Variants in PKP2 observed in about 807,000 individuals in gnomAD.
The protein encoded by PKP2 is plakophilin 2.
PKP2 carries 73 observed loss-of-function variants against 83.4 expected under a neutral mutation model. The observed-to-expected ratio is 0.88, with a 90% CI of 0.72 to 1.06. The LOEUF (loss-of-function observed/expected upper bound fraction) is 1.06. PKP2 is among the 50% of genes least tolerant of loss of function. The pLI is 0.00. For synonymous variants in PKP2, 409 were observed against 430.4 expected (o/e 0.95, Z 0.62); for missense variants, 966 against 1,065.4 (o/e 0.91, Z 1.30).
At chr12:32,852,869 G>A (rs1160238101) in intron 4 of PKP2, among the ~76,000 whole-genome samples, 1 of 152,128 alleles carries the variant, frequency 6.6e-6, no homozygotes, top group Non-Finnish European at 1.5e-5. Flanking sequence ...GGATCATGAG[G>A]TCAGGAGTTC....
At chr12:32,793,353 T>C (rs147594188) in intron 11 of PKP2, among the ~76,000 whole-genome samples, 1,957 of 152,258 alleles carry the variant, frequency 0.013, 21 homozygotes, top group Non-Finnish European at 0.023. Context: ...TTATAGAATA[T>C]AATCTATATT....
intron 9 of PKP2, among the ~76,000 whole-genome samples, chr12:32,814,462 T>C (rs1466746307): frequency 6.6e-6 from 1 of 152,182 alleles, no homozygotes; most frequent in African/African-American, 2.4e-5. Flanking sequence ...GAACATAGTT[T>C]CCCGTTCTCC....
intron 6 of PKP2, among the ~76,000 whole-genome samples, chr12:32,824,617 C>T (rs547558929): frequency 6.6e-6 from 1 of 152,292 alleles, no homozygotes; most frequent in South Asian, 2.1e-4. Context: ...TGTTGGACTA[C>T]ATTCTTTGTG....
chr12:32,846,745 C>CAAAAAAAAAAAAAAAAAAA lies in PKP2; in HGVS notation c.1378+4020_1378+4021insTTTTTTTTTTTTTTTTTTT, dbSNP rs574053559. ...GGGTAACAAGAATGAAACTTCTTCT[C>CAAAAAAAAAAAAAAAAAAA]AAAAAAAAAAAAAAAAAAGAAGAGA... On this transcript the variant is annotated intron_variant, in intron 5 of 12. Coordinates refer to ENST00000340811, the MANE Select transcript of PKP2 (RefSeq NM_001005242.3). 2.1e-3 allele frequency among the ~76,000 whole-genome samples: 154 copies of CAAAAAAAAAAAAAAAAAAA among 74,800 alleles called. 1 individual carries two copies. Among genetic ancestry groups the CAAAAAAAAAAAAAAAAAAA allele is most frequent in the African/African-American group, 3.5e-3 (62 of 17,704 alleles). 49.1% of individuals were successfully genotyped at this position (74,800 alleles called of 152,430 possible). A position where few individuals can be genotyped will look rare whatever the true frequency, so the allele number is the denominator to read the frequency against.
chr12:32,801,836 A>G (rs1956181933), intron 10 of PKP2, among the ~76,000 whole-genome samples: 1 of 142,872 alleles, frequency 7.0e-6, no homozygotes. Context: ...ATACAGTCAA[A>G]GGCAAAATAT....
intron 6 of PKP2, among the ~76,000 whole-genome samples, chr12:32,833,398 C>T (rs553070348): frequency 6.6e-6 from 1 of 152,248 alleles, no homozygotes; most frequent in Non-Finnish European, 1.5e-5. Context: ...CTGGAGAAGA[C>T]AGTTGTAACT....
chr12:32,798,473 T>G (rs1956151609), intron 10 of PKP2, among the ~76,000 whole-genome samples: 2 of 149,422 alleles, frequency 1.3e-5, no homozygotes, highest in South Asian at 4.2e-4. Flanking sequence ...GTTTTGAGTT[T>G]GGCTTTTTTT....
At chr12:32,810,705 G>A (rs796509123) in intron 9 of PKP2, among the ~76,000 whole-genome samples, 2 of 4,454 alleles carry the variant, frequency 4.5e-4, no homozygotes, top group African/African-American at 6.6e-4. Context: ...TTTTTGAGAC[G>A]GAGTCTCGCT....
rs535581825 is a variant in PKP2, at chr12:32,841,045, G to A, written c.1539C>T (p.Asn513=). The change falls in exon 6 of 13, where the codon AAC becomes AAT. Residue 513 remains asparagine (N), a synonymous_variant. Transcript: ENST00000340811. ...AGCATTACCTTAGGCATCCAGTGAC[G>A]TTGTAGAATATGTCAAAATCGAGCA... ...NGLLDFDIFY[N]VTGCLRNMSS... is the part of the protein sequence containing the mutation. 399 of 1,613,282 alleles carry A rather than the reference G, an allele frequency of 2.5e-4. 2 individuals are homozygous for A. The South Asian group carries it at 3.7e-3, about 15-fold the overall frequency.
chr12:32,831,855 C>T (rs1453975093), intron 6 of PKP2, among the ~76,000 whole-genome samples: 1 of 152,132 alleles, frequency 6.6e-6, no homozygotes, highest in Non-Finnish European at 1.5e-5. Flanking sequence ...GCTTCAGCAT[C>T]TCAGTGAGAC....
chr12:32,798,261 TA>T (rs200142596), intron 10 of PKP2, among the ~76,000 whole-genome samples: 9,929 of 145,922 alleles, frequency 0.068, 1,058 homozygotes, highest in East Asian at 0.54. Flanking sequence ...ATTTTTTGTA[TA>T]TTTTTTTTTT....
intron 9 of PKP2, chr12:32,820,203 T>C (rs573408134): frequency 6.6e-6 from 1 of 152,350 alleles, no homozygotes; most frequent in Non-Finnish European, 1.5e-5. Flanking sequence ...ACACACATAT[T>C]AAAGAATAAA....
chr12:32,801,932 A>G (rs1443643832), intron 10 of PKP2, among the ~76,000 whole-genome samples: 2 of 152,148 alleles, frequency 1.3e-5, no homozygotes, highest in Non-Finnish European at 2.9e-5. Flanking sequence ...TTATCTGTTT[A>G]TCCATTTTTT....
intron 4 of PKP2, among the ~76,000 whole-genome samples, chr12:32,866,809 C>A (rs1049828286): frequency 1.3e-5 from 2 of 152,122 alleles, no homozygotes; most frequent in Non-Finnish European, 2.9e-5. Context: ...CAGGCATTTA[C>A]TCCTAGGTAT....
intron 5 of PKP2, among the ~76,000 whole-genome samples, chr12:32,850,552 C>T (rs1279154718): frequency 6.8e-6 from 1 of 146,358 alleles, no homozygotes; most frequent in African/African-American, 2.5e-5. Flanking sequence ...GGTGATAGAG[C>T]AAGATTCTGT....
intron 4 of PKP2, among the ~76,000 whole-genome samples, chr12:32,858,666 A>AGCAGGAGAAC (rs1956775683): frequency 6.6e-6 from 1 of 152,238 alleles, no homozygotes; most frequent in African/African-American, 2.4e-5. Flanking sequence ...AACAAAGTTA[A>AGCAGGAGAAC]AAACAACAAC....
At chr12:32,884,532 A>G (rs1246422461) in intron 1 of PKP2, among the ~76,000 whole-genome samples, 1 of 152,146 alleles carries the variant, frequency 6.6e-6, no homozygotes, top group Non-Finnish European at 1.5e-5. Context: ...CATAAAACTT[A>G]TATTAAACAA....
At position 32,822,490 on chromosome 12, in the gene PKP2, T is replaced by C. The variant is rs761487035; in HGVS notation, c.1816A>G (p.Ser606Gly). Reference protein sequence around the residue: ...DNNKSIGCFGSRSRKVKEQYQ... With the variant: ...DNNKSIGCFGGRSRKVKEQYQ... ...ACCTCTTTTACTTTCCTGCTTCGAC[T>C]GCCAAAACATCCAATACTTTTGTTG... The change falls in exon 8 of 13, where the codon AGT (serine) becomes GGT (glycine). Residue 606 changes from serine (S) to glycine (G), a missense_variant. Ser to Gly is a moderately conservative substitution (Grantham distance 56). Coordinates refer to ENST00000340811, the MANE Select transcript of PKP2 (RefSeq NM_001005242.3). The C allele has an allele frequency of 6.2e-7, 1 of 1,614,158 alleles. No homozygotes were observed. Among genetic ancestry groups the C allele is most frequent in the Non-Finnish European group, 8.5e-7 (1 of 1,180,032 alleles).
intron 4 of PKP2, among the ~76,000 whole-genome samples, chr12:32,853,060 G>C (rs557053231): frequency 6.6e-6 from 1 of 152,108 alleles, no homozygotes; most frequent in East Asian, 1.9e-4. Flanking sequence ...CTCTAGCTCG[G>C]GCAACAGTGT....
Sources: gnomAD v4.1 joint callset for allele counts (sites outside exome capture counted in the v4.1 genomes callset) on GRCh38, gnomAD v4.1.1 for gene constraint, MANE v1.5 for transcripts, NCBI Gene and HGNC (gene_info 2026-07-23, HGNC 2026-07-21) for gene names.